Variants in TMA7 observed in about 807,000 individuals in gnomAD.
The protein encoded by TMA7 is translation machinery associated 7 homolog.
Under a neutral mutation model 12.5 loss-of-function variants are expected in TMA7, and 5 were observed. That is an observed-to-expected ratio of 0.40 (90% confidence interval 0.21 to 0.84). The LOEUF (loss-of-function observed/expected upper bound fraction) is 0.84. TMA7 is among the 40% of genes least tolerant of loss of function. TMA7 has a pLI of 0.36. For synonymous variants in TMA7, 36 were observed against 28.1 expected (o/e 1.28, Z -0.89); for missense variants, 71 against 75.4 (o/e 0.94, Z 0.22).
Position 48,440,542 on chromosome 3 carries a change from A to G in TMA7, c.74A>G (p.Glu25Gly), listed in dbSNP as rs2039534136. The change falls in exon 3 of 4, where the codon GAA becomes GGA. Residue 25 changes from glutamate to glycine, a missense_variant and splice_region_variant. By Grantham distance (98) the Glu-to-Gly change is moderately conservative. Transcript: ENST00000438607. ...PKKQAKEMDE[E>G]DKAFKQKQKE... ...TGAACACGCTCTGCCTCTCCCCAGGAAGATAAGGCTTTCAAGCAGAAACAA... is the reference window on the plus strand; with the variant it reads ...TGAACACGCTCTGCCTCTCCCCAGGGAGATAAGGCTTTCAAGCAGAAACAA... The G allele has an allele frequency of 6.2e-7, 1 of 1,611,270 alleles. No individual in the cohort carries two copies. Among genetic ancestry groups the G allele is most frequent in the Non-Finnish European group, 8.5e-7 (1 of 1,179,514 alleles).
At chr3:48,441,866 C>T (rs1044598072) in intron 3 of TMA7, among the ~76,000 whole-genome samples, 2 of 152,194 alleles carry the variant, frequency 1.3e-5, no homozygotes, top group Admixed American at 6.5e-5. Flanking sequence ...CAAGACCTCT[C>T]TCCCAGTGGG....
At chr3:48,443,807 A>C in intron 3 of TMA7, 41 bp from the exon 4 acceptor site, 1 of 1,531,794 alleles carries the variant, frequency 6.5e-7, no homozygotes, top group Non-Finnish European at 8.7e-7. Flanking sequence ...CTACCGTAAG[A>C]ACTATATTTT....
In TMA7 at chr3:48,443,970, G is replaced by C; in HGVS notation, c.*88G>C. On this transcript the variant is annotated 3_prime_UTR_variant, in exon 4 of 4. Coordinates refer to ENST00000438607, the MANE Select transcript of TMA7 (RefSeq NM_015933.6). ...TCCCTGCCATAACATCTTTTGCCAC[G>C]TATAGCTGGAATTAAGTGTTGTCTT... is the stretch of plus-strand genomic sequence containing the variant. 1.0e-6 allele frequency: 1 copy of C among 962,922 alleles called. No individual in the cohort carries two copies. Among genetic ancestry groups the C allele is most frequent in the Non-Finnish European group, 1.4e-6 (1 of 701,126 alleles). 59.6% of individuals were successfully genotyped at this position (962,922 alleles called of 1,614,324 possible). A position where few individuals can be genotyped will look rare whatever the true frequency, so the allele number is the denominator to read the frequency against.
rs745885023 is a variant in TMA7, at chr3:48,440,303, G to A, written c.7G>A (p.Gly3Ser). MS[G>S]REGGKKKPLK... The stretch of plus-strand genomic sequence containing the variant: ...GGAAGCGGCGGCAGGCGCCATGTCC[G>A]GCCGCGAAGGTAAGTGTTCCGGAAC... Residue 3 changes from glycine (G) to serine (S), a missense_variant, in exon 1 of 4, where the codon GGC becomes AGC. Coordinates refer to ENST00000438607, the MANE Select transcript of TMA7 (RefSeq NM_015933.6). The A allele has an allele frequency of 6.2e-7, 1 of 1,607,266 alleles. No individual in the cohort carries two copies. The highest frequency in any genetic ancestry group is 1.1e-5 in the South Asian group (1 of 90,844).
In TMA7 at chr3:48,440,912, A is replaced by G. The variant is rs1022966352; in HGVS notation, c.160+284A>G. ...GTATTTACCTCAGACGCAGATTCAC[A>G]GTTAAGTTTCTCAAAGTCTGACGTC... On this transcript the variant is annotated intron_variant, in intron 3 of 3. Coordinates refer to ENST00000438607, the MANE Select transcript of TMA7 (RefSeq NM_015933.6). 1.8e-5 allele frequency: 9 copies of G among 512,290 alleles called. 1 individual carries two copies. The highest frequency in any genetic ancestry group is 2.8e-5 in the Non-Finnish European group (8 of 288,312). 31.7% of individuals were successfully genotyped at this position (512,290 alleles called of 1,614,324 possible).
intron 3 of TMA7, 87 bp downstream of exon 3, chr3:48,440,715 T>G: frequency 8.3e-7 from 1 of 1,206,626 alleles, no homozygotes. Context: ...TTTTCCTGCC[T>G]CCTGAACTGC....
At chr3:48,441,523 T>C (rs1245992739) in intron 3 of TMA7, among the ~76,000 whole-genome samples, 2 of 151,240 alleles carry the variant, frequency 1.3e-5, no homozygotes, top group African/African-American at 2.4e-5. Context: ...TTATCTCTAA[T>C]ATATGCTTTT....
intron 3 of TMA7, among the ~76,000 whole-genome samples, chr3:48,442,566 C>G (rs951058319): frequency 6.6e-6 from 1 of 151,684 alleles, no homozygotes; most frequent in African/African-American, 2.4e-5. Flanking sequence ...ATTCTCCTGC[C>G]TCAGCCTCCT....
intron 1 of TMA7, 42 bp from the exon 2 acceptor site, chr3:48,440,361 C>T (rs764198516): frequency 3.1e-6 from 5 of 1,611,704 alleles, no homozygotes; most frequent in South Asian, 1.1e-5. Flanking sequence ...GGGTGGGGAC[C>T]GGGCGGCAGG....
intron 3 of TMA7, 80 bp from the exon 4 acceptor site, chr3:48,443,768 C>G (rs2039619678): frequency 9.9e-6 from 12 of 1,214,644 alleles, no homozygotes; most frequent in Admixed American, 6.6e-5. Flanking sequence ...CCAGGCTTTA[C>G]TAAGGTCCAC....
chr3:48,443,607 T>A (rs1442940128), intron 3 of TMA7, among the ~76,000 whole-genome samples: 1 of 152,040 alleles, frequency 6.6e-6, no homozygotes, highest in Non-Finnish European at 1.5e-5. Flanking sequence ...TAAGCCAATC[T>A]GTGAAGTATA....
intron 3 of TMA7, 143 bp downstream of exon 3, chr3:48,440,771 A>G (rs1386787880): frequency 4.0e-6 from 3 of 745,162 alleles, no homozygotes; most frequent in Non-Finnish European, 6.6e-6. Context: ...GTCTCTAGCC[A>G]GTCTAGGATT....
Position 48,443,133 on chromosome 3 carries a change from G to C in TMA7, c.161-715G>C, listed in dbSNP as rs531169219. ...CATGCGCCTTTAGTCCCAGCTACTC[G>C]GAAGGCTCATGCATGAAGAATCACT... is the stretch of plus-strand genomic sequence containing the variant. On this transcript the variant is annotated intron_variant, in intron 3 of 3. Transcript: ENST00000438607. Among the ~76,000 whole-genome samples the C allele has an allele frequency of 1.9e-4, 28 of 151,136 alleles. No homozygotes were observed. The South Asian group carries it at 5.8e-3, about 32-fold the overall frequency.
In TMA7 at chr3:48,441,244, C is replaced by T. The variant is rs189197761; in HGVS notation, c.160+616C>T. ...TATTTTTAGTAGAGATGGGGTTTCACCATCTTAGCCAGGCTGGTCTTGAAC... is the reference window on the plus strand; with the variant it reads ...TATTTTTAGTAGAGATGGGGTTTCATCATCTTAGCCAGGCTGGTCTTGAAC... On this transcript the variant is annotated intron_variant, in intron 3 of 3. Transcript: ENST00000438607. Among the ~76,000 whole-genome samples, 18 of 152,132 alleles carry T rather than the reference C, an allele frequency of 1.2e-4. No individual in the cohort carries two copies. The East Asian group carries it at 3.3e-3, about 28-fold the overall frequency.
intron 3 of TMA7, chr3:48,441,152 A>G (rs1175033304): frequency 6.5e-6 from 1 of 153,096 alleles, no homozygotes; most frequent in East Asian, 1.9e-4. Flanking sequence ...AGTAGCTGGG[A>G]TTACAGGCGC....
intron 3 of TMA7, chr3:48,440,990 C>A: frequency 3.1e-6 from 1 of 321,086 alleles, no homozygotes. Context: ...AGTGTTTGAA[C>A]CTTACTTGAC....
chr3:48,440,693 G>A, intron 3 of TMA7, 65 bp downstream of exon 3: 2 of 1,450,220 alleles, frequency 1.4e-6, no homozygotes, highest in Non-Finnish European at 9.5e-7. Flanking sequence ...GGATGAGGGC[G>A]CGGGCATGTC....
intron 3 of TMA7, among the ~76,000 whole-genome samples, chr3:48,441,785 C>T (rs2039576059): frequency 6.6e-6 from 1 of 152,282 alleles, no homozygotes; most frequent in East Asian, 1.9e-4. Context: ...GTTTATGCCC[C>T]CATTTGAGCA....
chr3:48,442,538 G>A (rs887754588), intron 3 of TMA7, among the ~76,000 whole-genome samples: 10 of 146,010 alleles, frequency 6.8e-5, no homozygotes, highest in South Asian at 2.2e-4. Flanking sequence ...TGCAGCCTCC[G>A]CCTCCCAGGT....
Sources: gnomAD v4.1 joint callset for allele counts (sites outside exome capture counted in the v4.1 genomes callset) on GRCh38, gnomAD v4.1.1 for gene constraint, MANE v1.5 for transcripts, NCBI Gene and HGNC (gene_info 2026-07-23, HGNC 2026-07-21) for gene names.